The following SUMF1 variants were observed in gnomAD, a reference collection of about 807,000 sequenced individuals.
The protein encoded by SUMF1 is formylglycine-generating enzyme.
SUMF1 carries 48 observed loss-of-function variants against 47.6 expected under a neutral mutation model. The ratio of observed to expected loss-of-function variants is 1.01; its 90% CI spans 0.80 to 1.28. The LOEUF is 1.28. Among genes scored for constraint, SUMF1 ranks in the 50% most tolerant of loss-of-function variants. The pLI is 0.00. For synonymous variants in SUMF1, 230 were observed against 192.1 expected, an observed-to-expected ratio of 1.20 and a Z score of -1.63; for missense variants, 571 against 485.4, an observed-to-expected ratio of 1.18 and a Z score of -1.66.
intron 8 of SUMF1, among the ~76,000 whole-genome samples, chr3:4,149,901 G>T (rs1184472598): frequency 2.0e-5 from 3 of 152,174 alleles, no homozygotes; most frequent in East Asian, 3.9e-4. Context: ...TATAAGAAAT[G>T]CATCACCTCA....
At chr3:4,403,828 G>A (rs138268700) in intron 7 of SUMF1, among the ~76,000 whole-genome samples, 3 of 152,274 alleles carry the variant, frequency 2.0e-5, no homozygotes, top group Admixed American at 6.5e-5. Context: ...ATTCCCACAG[G>A]GGGAGAGGTT....
chr3:4,185,427 A>C (rs1198339485), intron 8 of SUMF1, among the ~76,000 whole-genome samples: 1 of 151,474 alleles, frequency 6.6e-6, no homozygotes, highest in Admixed American at 6.6e-5. Context: ...ATTTAATGTA[A>C]GATACATTAT....
intron 8 of SUMF1, among the ~76,000 whole-genome samples, chr3:4,176,131 AG>A (rs1694954942): frequency 1.3e-5 from 2 of 152,212 alleles, no homozygotes; most frequent in Admixed American, 6.5e-5. Flanking sequence ...ATTATCCAGG[AG>A]AACTTTCCCA....
At chr3:4,249,351 G>T (rs1309069833) in intron 8 of SUMF1, among the ~76,000 whole-genome samples, 2 of 152,010 alleles carry the variant, frequency 1.3e-5, no homozygotes, top group East Asian at 3.9e-4. Flanking sequence ...GCAACTCTGA[G>T]TCTAAGTCTA....
chr3:4,142,856 A>G (rs1395368840), intron 8 of SUMF1, among the ~76,000 whole-genome samples: 1 of 152,112 alleles, frequency 6.6e-6, no homozygotes, highest in Non-Finnish European at 1.5e-5. Context: ...AAGAACTACT[A>G]GAATGTTCAT....
At chr3:4,046,198 G>T (rs1051140916) in intron 9 of SUMF1, among the ~76,000 whole-genome samples, 1 of 152,184 alleles carries the variant, frequency 6.6e-6, no homozygotes, top group Non-Finnish European at 1.5e-5. Flanking sequence ...CTCCCAAGTG[G>T]CTGAGTGAGG....
At chr3:4,253,103 G>C (rs1450857026) in intron 8 of SUMF1, among the ~76,000 whole-genome samples, 1 of 152,164 alleles carries the variant, frequency 6.6e-6, no homozygotes, top group Non-Finnish European at 1.5e-5. Context: ...TGTAATGAAA[G>C]AAAAAAGGCA....
chr3:4,374,623 GA>G (rs1464733983), intron 8 of SUMF1, among the ~76,000 whole-genome samples: 1 of 152,144 alleles, frequency 6.6e-6, no homozygotes, highest in African/African-American at 2.4e-5. Flanking sequence ...AATGGATTCT[GA>G]ATTTAGAAAA....
chr3:4,059,637 G>A (rs1695245205), intron 9 of SUMF1, among the ~76,000 whole-genome samples: 1 of 152,122 alleles, frequency 6.6e-6, no homozygotes, highest in Non-Finnish European at 1.5e-5. Flanking sequence ...CTGTTACTGA[G>A]TATACGCAGT....
chr3:4,419,995 T>G lies in SUMF1; in HGVS notation c.602+69A>C, dbSNP rs981174263. 28 of 1,341,278 alleles carry G rather than the reference T, an allele frequency of 2.1e-5. No individual in the cohort carries two copies. The Admixed American group carries it at 2.9e-4, about 14-fold the overall frequency. The allele number at this position is 1,341,278 out of a possible 1,614,324, so 83.1% of individuals were successfully genotyped here. Reference sequence around the variant, plus strand: ...TAGATGAAGATGCCCACTGAGTTCTTTTGCAAGAGCAAAGGGTACCTATTT... The same window carrying G: ...TAGATGAAGATGCCCACTGAGTTCTGTTGCAAGAGCAAAGGGTACCTATTT... On this transcript the variant is annotated intron_variant, in intron 4 of 8. Coordinates refer to ENST00000272902, the MANE Select transcript of SUMF1 (RefSeq NM_182760.4).
At chr3:4,425,914 G>C (rs992883160) in intron 3 of SUMF1, among the ~76,000 whole-genome samples, 3 of 152,242 alleles carry the variant, frequency 2.0e-5, no homozygotes, top group Non-Finnish European at 4.4e-5. Context: ...GCATGTGCAG[G>C]GGAACTCCCT....
At chr3:4,268,917 T>C (rs943873761) in intron 8 of SUMF1, among the ~76,000 whole-genome samples, 1 of 152,130 alleles carries the variant, frequency 6.6e-6, no homozygotes, top group Non-Finnish European at 1.5e-5. Context: ...CATATATATA[T>C]GCTTTCACTT....
chr3:4,384,595 G>A (rs1189232498), intron 7 of SUMF1, among the ~76,000 whole-genome samples: 1 of 152,066 alleles, frequency 6.6e-6, no homozygotes, highest in Admixed American at 6.6e-5. Flanking sequence ...TAAACTTTTG[G>A]AACTGGCTTT....
intron 8 of SUMF1, among the ~76,000 whole-genome samples, chr3:4,090,771 T>C (rs565534435): frequency 2.0e-5 from 3 of 152,248 alleles, no homozygotes; most frequent in East Asian, 1.9e-4. Flanking sequence ...TCATTAAAAA[T>C]TGGGTAAACA....
At chr3:4,340,695 TGACAG>T (rs1325434820) in intron 8 of SUMF1, among the ~76,000 whole-genome samples, 1 of 152,148 alleles carries the variant, frequency 6.6e-6, no homozygotes, top group African/African-American at 2.4e-5. Flanking sequence ...GAGGCAACAG[TGACAG>T]GACCTGGAGA....
rs2124845630 is a variant in SUMF1, at chr3:4,376,396, A to T, written c.955-7T>A. 13 of 1,614,110 alleles carry T rather than the reference A, an allele frequency of 8.1e-6. No individual in the cohort carries two copies. Among genetic ancestry groups the T allele is most frequent in the Non-Finnish European group, 1.1e-5 (13 of 1,179,956 alleles). On this transcript the variant is annotated splice_polypyrimidine_tract_variant and splice_region_variant and intron_variant, in intron 7 of 8. Transcript: ENST00000272902. ...TCCCAGAAGGGGGACCTTTCTACAGATGAAGAAAAAAGGCTATGTTAGACC... is the reference window on the plus strand; with the variant it reads ...TCCCAGAAGGGGGACCTTTCTACAGTTGAAGAAAAAAGGCTATGTTAGACC...
At chr3:4,196,399 T>C (rs913151249) in intron 8 of SUMF1, among the ~76,000 whole-genome samples, 1 of 152,070 alleles carries the variant, frequency 6.6e-6, no homozygotes, top group Non-Finnish European at 1.5e-5. Flanking sequence ...GGGGGGAAGC[T>C]TTCCTCCCTA....
At chr3:4,254,269 C>T (rs1285140329) in intron 8 of SUMF1, among the ~76,000 whole-genome samples, 5 of 151,862 alleles carry the variant, frequency 3.3e-5, no homozygotes, top group African/African-American at 1.2e-4. Context: ...TGGAGAATGA[C>T]TTTGACGAGC....
At chr3:4,289,136 G>C (rs1005599344) in intron 8 of SUMF1, among the ~76,000 whole-genome samples, 14 of 152,210 alleles carry the variant, frequency 9.2e-5, no homozygotes, top group African/African-American at 1.7e-4. Flanking sequence ...AACACTGAAA[G>C]CAACTACGAG....
Sources: allele counts gnomAD v4.1 joint callset (sites outside exome capture counted in the v4.1 genomes callset), GRCh38; gene constraint gnomAD v4.1.1; transcripts MANE v1.5; gene names NCBI Gene and HGNC (gene_info 2026-07-23, HGNC 2026-07-21).